Variants in ANKS1B observed in about 807,000 individuals in gnomAD.
The protein encoded by ANKS1B is ankyrin repeat and sterile alpha motif domain containing 1B.
A neutral mutation model predicts 148.3 loss-of-function variants in ANKS1B; 36 were observed. The ratio of observed to expected loss-of-function variants is 0.24; its 90% CI spans 0.19 to 0.32. ANKS1B has a LOEUF of 0.32. Ranked by LOEUF, ANKS1B falls within the 10% of genes least tolerant of loss-of-function variation. The pLI is 1.00. For missense variants in ANKS1B, 1,157 were observed against 1,542.6 expected (o/e 0.75, Z 4.19); for synonymous variants, 542 against 560.8 (o/e 0.97, Z 0.47).
chr12:99,607,631 G>C (rs1307168579), intron 9 of ANKS1B, among the ~76,000 whole-genome samples: 2 of 152,086 alleles, frequency 1.3e-5, no homozygotes, highest in Admixed American at 1.3e-4. Flanking sequence ...AGCTGGATTT[G>C]GCGGGACACG....
chr12:99,907,811 TTAAAA>T, intron 1 of ANKS1B, among the ~76,000 whole-genome samples: 1 of 94,134 alleles, frequency 1.1e-5, no homozygotes, highest in African/African-American at 5.0e-5. Flanking sequence ...AGAGAAATTC[TTAAAA>T]AAAAAAAAAA....
chr12:98,824,891 G>C (rs2099235152), intron 19 of ANKS1B, among the ~76,000 whole-genome samples: 1 of 152,020 alleles, frequency 6.6e-6, no homozygotes, highest in African/African-American at 2.4e-5. Flanking sequence ...GATTCAATCA[G>C]TTTCCACTAA....
chr12:98,949,303 A>G (rs2099850565), intron 17 of ANKS1B, among the ~76,000 whole-genome samples: 2 of 152,128 alleles, frequency 1.3e-5, no homozygotes, highest in Non-Finnish European at 2.9e-5. Flanking sequence ...TTGGGAAACC[A>G]TGAAGACTAG....
intron 17 of ANKS1B, among the ~76,000 whole-genome samples, chr12:98,978,625 T>A (rs1010018820): frequency 1.6e-4 from 25 of 152,270 alleles, no homozygotes; most frequent in African/African-American, 5.8e-4. Context: ...TTAATTCATA[T>A]AGTCATGTTT....
rs574113692 is a variant in ANKS1B at position 99,605,945 on chromosome 12, C to T, written c.1272+49122G>A. 1.6e-4 allele frequency among the ~76,000 whole-genome samples: 24 copies of T among 152,174 alleles called. 1 individual carries two copies. The highest frequency in any genetic ancestry group is 2.6e-4 in the Admixed American group (4 of 15,280). On this transcript the variant is annotated intron_variant, in intron 9 of 26. Coordinates refer to ENST00000683438, the MANE Select transcript of ANKS1B (RefSeq NM_001352186.2). The stretch of plus-strand genomic sequence containing the variant: ...CCTAGTGGTTGTGCTATTTTACATT[C>T]CCATCAACAGTGTATAAGAGTTCCC...
intron 11 of ANKS1B, among the ~76,000 whole-genome samples, chr12:99,421,620 G>A (rs973587333): frequency 6.6e-6 from 1 of 152,164 alleles, no homozygotes; most frequent in African/African-American, 2.4e-5. Flanking sequence ...CCCCTGTGGT[G>A]ACTTGTTTAC....
chr12:98,756,078 C>G (rs1226347304), intron 25 of ANKS1B, among the ~76,000 whole-genome samples: 1 of 152,152 alleles, frequency 6.6e-6, no homozygotes, highest in Non-Finnish European at 1.5e-5. Context: ...TGGCTGGATG[C>G]GGTGACTCAC....
At chr12:98,903,831 A>G (rs999062060) in intron 17 of ANKS1B, among the ~76,000 whole-genome samples, 4 of 152,150 alleles carry the variant, frequency 2.6e-5, no homozygotes, top group African/African-American at 4.8e-5. Flanking sequence ...GAGTCACTCA[A>G]TCAAGGCTTG....
At chr12:99,644,406 A>G (rs2098339544) in intron 9 of ANKS1B, among the ~76,000 whole-genome samples, 1 of 152,184 alleles carries the variant, frequency 6.6e-6, no homozygotes, top group Admixed American at 6.5e-5. Context: ...TAGTGACTTT[A>G]ACATCCTCGT....
chr12:99,950,473 G>A lies in ANKS1B; in HGVS notation c.134+33631C>T, dbSNP rs576383236. Among the ~76,000 whole-genome samples the A allele has an allele frequency of 4.6e-5, 7 of 151,700 alleles. No individual in the cohort carries two copies. In the East Asian group the frequency reaches 5.8e-4, roughly 13 times the overall value. ...CCCGTATGAATATATATTTATATTC[G>A]TAGTGTTTGCAACATTATTGTGACT... is the stretch of plus-strand genomic sequence containing the variant. On this transcript the variant is annotated intron_variant, in intron 1 of 26. Transcript: ENST00000683438.
At chr12:99,526,838 T>C (rs1436880144) in intron 9 of ANKS1B, among the ~76,000 whole-genome samples, 1 of 152,190 alleles carries the variant, frequency 6.6e-6, no homozygotes, top group Non-Finnish European at 1.5e-5. Context: ...CATAAGAATG[T>C]GACATTATTT....
At chr12:99,049,331 C>T (rs148318442) in intron 17 of ANKS1B, among the ~76,000 whole-genome samples, 2 of 151,930 alleles carry the variant, frequency 1.3e-5, no homozygotes, top group East Asian at 3.9e-4. Flanking sequence ...CACCCACACA[C>T]TCTCACAGAA....
intron 14 of ANKS1B, among the ~76,000 whole-genome samples, chr12:99,239,728 A>G (rs2088853127): frequency 6.6e-6 from 1 of 152,252 alleles, no homozygotes; most frequent in Non-Finnish European, 1.5e-5. Flanking sequence ...CTTGGCAGAA[A>G]CATTACAAGC....
chr12:99,924,849 C>T (rs1430439874), intron 1 of ANKS1B, among the ~76,000 whole-genome samples: 1 of 152,128 alleles, frequency 6.6e-6, no homozygotes, highest in Non-Finnish European at 1.5e-5. Context: ...TAAAGACAAA[C>T]ACAGTCTTTG....
chr12:99,623,476 C>T (rs184150704), intron 9 of ANKS1B, among the ~76,000 whole-genome samples: 320 of 151,912 alleles, frequency 2.1e-3, no homozygotes, highest in Non-Finnish European at 2.7e-3. Context: ...TTCTTACTGA[C>T]GATATGATCC....
At chr12:99,449,586 AT>A (rs929681596) in intron 10 of ANKS1B, among the ~76,000 whole-genome samples, 1 of 152,126 alleles carries the variant, frequency 6.6e-6, no homozygotes, top group Non-Finnish European at 1.5e-5. Context: ...AATAACTTGT[AT>A]GTTTTTAGGC....
intron 16 of ANKS1B, among the ~76,000 whole-genome samples, chr12:99,071,364 C>G (rs937799795): frequency 6.6e-6 from 1 of 152,184 alleles, no homozygotes; most frequent in South Asian, 2.1e-4. Context: ...TAAGTTAGCA[C>G]TTATTTCAAT....
intron 9 of ANKS1B, among the ~76,000 whole-genome samples, chr12:99,574,284 G>A (rs1314395532): frequency 1.3e-5 from 2 of 151,912 alleles, no homozygotes; most frequent in East Asian, 3.9e-4. Flanking sequence ...TCACCTACAC[G>A]TAAATCTTAG....
At chr12:99,878,125 G>A (rs556232028) in intron 1 of ANKS1B, among the ~76,000 whole-genome samples, 6 of 152,118 alleles carry the variant, frequency 3.9e-5, no homozygotes, top group African/African-American at 1.4e-4. Context: ...CCAGAGACAG[G>A]TAGTTGCTGA....
Sources: allele counts gnomAD v4.1 joint callset (sites outside exome capture counted in the v4.1 genomes callset), GRCh38; gene constraint gnomAD v4.1.1; transcripts MANE v1.5; gene names NCBI Gene and HGNC (gene_info 2026-07-23, HGNC 2026-07-21).